The following ELK4 variants were observed in gnomAD, a reference collection of about 807,000 sequenced individuals.
ELK4 encodes the protein ETS transcription factor ELK4.
ELK4 carries 16 observed loss-of-function variants against 29.6 expected under a neutral mutation model. The ratio of observed to expected loss-of-function variants is 0.54; its 90% CI spans 0.37 to 0.82. ELK4 has a LOEUF of 0.82. ELK4 is among the 40% of genes least tolerant of loss of function. ELK4 has a pLI of 0.00. For missense variants in ELK4, 465 were observed against 507.1 expected (o/e 0.92, Z 0.80); for synonymous variants, 213 against 191.1 (o/e 1.11, Z -0.95).
intron 3 of ELK4, 197 bp from the exon 4 acceptor site, chr1:205,619,270 A>C: frequency 9.5e-7 from 1 of 1,054,320 alleles, no homozygotes; most frequent in Non-Finnish European, 1.2e-6. Flanking sequence ...ATAACTACTT[A>C]AAATTTTTTA....
At chr1:205,621,670 T>A (rs555272553) in intron 2 of ELK4, among the ~76,000 whole-genome samples, 1 of 152,102 alleles carries the variant, frequency 6.6e-6, no homozygotes, top group Non-Finnish European at 1.5e-5. Context: ...TAGGCACACA[T>A]CACCATGCCC....
chr1:205,614,282 C>T lies in ELK4; in HGVS notation c.*2264G>A, dbSNP rs115449961. 1 of 222,666 alleles carries T rather than the reference C, an allele frequency of 4.5e-6. No individual in the cohort carries two copies. The highest frequency in any genetic ancestry group is 2.2e-5 in the African/African-American group (1 of 44,764). 13.8% of individuals were successfully genotyped at this position (222,666 alleles called of 1,614,324 possible). On this transcript the variant is annotated 3_prime_UTR_variant, in exon 5 of 5. Coordinates refer to ENST00000357992, the MANE Select transcript of ELK4 (RefSeq NM_001973.4). The stretch of plus-strand genomic sequence containing the variant: ...AAAAATACTGTCTGTGAAAACAAAT[C>T]AATGGCTTTTCTCCTTTAATTCAAA...
intron 4 of ELK4, among the ~76,000 whole-genome samples, chr1:205,617,600 T>TAA (rs559279562): frequency 1.4e-5 from 2 of 144,734 alleles, no homozygotes; most frequent in Non-Finnish European, 1.5e-5. Flanking sequence ...CTTTCTCTAT[T>TAA]AAAAAAAAAA....
chr1:205,621,307 CCAAA>C (rs1215015816), intron 2 of ELK4, among the ~76,000 whole-genome samples: 2 of 151,352 alleles, frequency 1.3e-5, no homozygotes, highest in Non-Finnish European at 2.9e-5. Flanking sequence ...TCTAGCCATA[CCAAA>C]CACAGTCCCT....
At chr1:205,619,741 T>C (rs1670297255) in intron 3 of ELK4, 1 of 1,470,662 alleles carries the variant, frequency 6.8e-7, no homozygotes, top group East Asian at 2.4e-5. Context: ...AAATATTTAT[T>C]TACTTGTAGA....
rs909921906 is a variant in ELK4 at position 205,609,072 on chromosome 1, A to C, written c.*7474T>G. 5 of 188,604 alleles carry C rather than the reference A, an allele frequency of 2.7e-5. No homozygotes were observed. The highest frequency in any genetic ancestry group is 1.2e-4 in the African/African-American group (5 of 42,898). The allele number at this position is 188,604 out of a possible 1,614,324, so 11.7% of individuals were successfully genotyped here. On this transcript the variant is annotated 3_prime_UTR_variant, in exon 5 of 5. Coordinates refer to ENST00000357992, the MANE Select transcript of ELK4 (RefSeq NM_001973.4). ...GAAACTGCCACTGCCACTGTGGTTA[A>C]ATCACTTGGTGTATGGAATTTAAAA...
In ELK4 at chr1:205,630,096, C is replaced by CAA. The variant is rs113979690; in HGVS notation, c.-10+1534_-10+1535dup. On this transcript the variant is annotated intron_variant, in intron 1 of 4. Transcript: ENST00000357992. ...AAAACCTTTTATTCTTGTTACCTATCAAAAAAAAAAAAGAGGCTAATTACT... is the reference window on the plus strand; with the variant it reads ...AAAACCTTTTATTCTTGTTACCTATCAAAAAAAAAAAAAAGAGGCTAATTACT... 5.3e-3 allele frequency among the ~76,000 whole-genome samples: 751 copies of CAA among 140,558 alleles called. 6 individuals are homozygous for CAA. Among genetic ancestry groups the CAA allele is most frequent in the African/African-American group, 0.018 (708 of 38,712 alleles). 92.2% of individuals were successfully genotyped at this position (140,558 alleles called of 152,430 possible).
rs1361490258 is a variant in ELK4, at chr1:205,631,757, A to G, written c.-135T>C. On this transcript the variant is annotated 5_prime_UTR_variant, in exon 1 of 5. Coordinates refer to ENST00000357992, the MANE Select transcript of ELK4 (RefSeq NM_001973.4). ...GCAGCCGCTGCGACCCCCGCGGCGGAGCCGTAGAAGGCGGCGGCGGCCAAG... is the reference window on the plus strand; with the variant it reads ...GCAGCCGCTGCGACCCCCGCGGCGGGGCCGTAGAAGGCGGCGGCGGCCAAG... 1.8e-5 allele frequency: 5 copies of G among 283,408 alleles called. No individual in the cohort carries two copies. Among genetic ancestry groups the G allele is most frequent in the Non-Finnish European group, 3.0e-5 (4 of 134,320 alleles). 17.6% of individuals were successfully genotyped at this position (283,408 alleles called of 1,614,324 possible).
intron 1 of ELK4, among the ~76,000 whole-genome samples, chr1:205,630,146 C>T (rs1460540663): frequency 6.6e-6 from 1 of 151,440 alleles, no homozygotes; most frequent in African/African-American, 2.4e-5. Context: ...ACAGGAATCC[C>T]GAGTTTTCCA....
intron 1 of ELK4, among the ~76,000 whole-genome samples, chr1:205,629,431 A>G (rs1420532698): frequency 6.6e-6 from 1 of 152,220 alleles, no homozygotes; most frequent in Admixed American, 6.5e-5. Flanking sequence ...TTCATCAGAT[A>G]TAAAAGAGAG....
At position 205,613,609 on chromosome 1, in the gene ELK4, T is replaced by C. The variant is rs2102374163; in HGVS notation, c.*2937A>G. 1 of 180,506 alleles carries C rather than the reference T, an allele frequency of 5.5e-6. No individual in the cohort carries two copies. The highest frequency in any genetic ancestry group is 2.4e-5 in the African/African-American group (1 of 42,460). The allele number at this position is 180,506 out of a possible 1,614,324, so 11.2% of individuals were successfully genotyped here. A position where few individuals can be genotyped will look rare whatever the true frequency, so the allele number is the denominator to read the frequency against. On this transcript the variant is annotated 3_prime_UTR_variant, in exon 5 of 5. Transcript: ENST00000357992. ...GAATTTGATATAAAATTCTAATTTA[T>C]ATTAGAATTTTATTTATAATTTATA...
intron 2 of ELK4, among the ~76,000 whole-genome samples, chr1:205,622,133 G>A (rs1670364698): frequency 6.6e-6 from 1 of 152,046 alleles, no homozygotes; most frequent in Non-Finnish European, 1.5e-5. Flanking sequence ...TGAATCACTT[G>A]AACCTGGGAG....
Position 205,631,620 on chromosome 1 carries a change from C to T in ELK4, c.-10+12G>A. 3.3e-6 allele frequency: 1 copy of T among 307,664 alleles called. No homozygotes were observed. The highest frequency in any genetic ancestry group is 6.8e-6 in the Non-Finnish European group (1 of 148,114). The allele number at this position is 307,664 out of a possible 1,614,324, so 19.1% of individuals were successfully genotyped here. On this transcript the variant is annotated intron_variant, in intron 1 of 4. Transcript: ENST00000357992. ...CGAGATCCCGAGGGGGCGCGCGGGG[C>T]TGACCGCTCACCGACGCCGCGCGCG... is the stretch of plus-strand genomic sequence containing the variant.
At chr1:205,621,694 T>C (rs1328052374) in intron 2 of ELK4, among the ~76,000 whole-genome samples, 2 of 152,026 alleles carry the variant, frequency 1.3e-5, no homozygotes, top group African/African-American at 2.4e-5. Context: ...TAATTTTGTA[T>C]TTTTAGTAGA....
intron 4 of ELK4, among the ~76,000 whole-genome samples, chr1:205,618,245 G>A (rs1049711793): frequency 1.3e-5 from 2 of 151,878 alleles, no homozygotes; most frequent in Non-Finnish European, 2.9e-5. Flanking sequence ...TGTCCAGGCT[G>A]GTCTCAAACT....
At chr1:205,627,922 C>G (rs938279365) in intron 1 of ELK4, among the ~76,000 whole-genome samples, 1 of 152,232 alleles carries the variant, frequency 6.6e-6, no homozygotes, top group Admixed American at 6.5e-5. Flanking sequence ...GGGAGAGATG[C>G]TGCCCACAGT....
In ELK4 at chr1:205,615,259, C is replaced by A. The variant is rs35219050; in HGVS notation, c.*1287G>T. ...TACAAAAATTAGCCAGGCGTAGTGG[C>A]GCATGCCTGTAGTCCCAGCTACTCA... On this transcript the variant is annotated 3_prime_UTR_variant, in exon 5 of 5. Coordinates refer to ENST00000357992, the MANE Select transcript of ELK4 (RefSeq NM_001973.4). 0.098 allele frequency: 16,134 copies of A among 163,950 alleles called. 1,128 individuals carry two copies. Among genetic ancestry groups the A allele is most frequent in the East Asian group, 0.32 (2,535 of 7,802 alleles). The allele number at this position is 163,950 out of a possible 1,614,324, so 10.2% of individuals were successfully genotyped here.
At chr1:205,626,793 T>C (rs1652488309) in intron 1 of ELK4, among the ~76,000 whole-genome samples, 1 of 152,134 alleles carries the variant, frequency 6.6e-6, no homozygotes, top group African/African-American at 2.4e-5. Flanking sequence ...ACAATTCTAC[T>C]CCTAGGTATA....
chr1:205,625,674 TGCTTC>T (rs1670439884), intron 1 of ELK4: 4 of 825,792 alleles, frequency 4.8e-6, no homozygotes, highest in Non-Finnish European at 8.2e-6. Context: ...CTGCTGCTGC[TGCTTC>T]TTTTTTTTTT....
Sources: allele counts gnomAD v4.1 joint callset (sites outside exome capture counted in the v4.1 genomes callset), GRCh38; gene constraint gnomAD v4.1.1; transcripts MANE v1.5; gene names NCBI Gene and HGNC (gene_info 2026-07-23, HGNC 2026-07-21).